Variants in LRP1B observed in about 807,000 individuals in gnomAD.
The protein encoded by LRP1B is LDL receptor related protein 1B, also known as low-density lipoprotein receptor-related protein 1B.
Under a neutral mutation model 556.6 loss-of-function variants are expected in LRP1B, and 217 were observed. The observed-to-expected ratio is 0.39, with a 90% CI of 0.35 to 0.44. LRP1B has a LOEUF of 0.44. Among genes scored for constraint, LRP1B ranks in the 20% least tolerant of loss-of-function variants. The probability of loss-of-function intolerance (pLI) is 1.00; values close to 1 mark genes in which losing one functional copy is unlikely to be tolerated. For synonymous variants in LRP1B, 2,047 were observed against 1,865.8 expected (o/e 1.10, Z -2.50); for missense variants, 5,053 against 5,620.8 (o/e 0.90, Z 3.23).
chr2:141,217,272 C>G (rs1038321537), intron 6 of LRP1B, among the ~76,000 whole-genome samples: 4 of 152,110 alleles, frequency 2.6e-5, no homozygotes, highest in African/African-American at 9.7e-5. Context: ...CCTCCACTTT[C>G]TTGCTCCTAG....
At chr2:141,812,919 C>G (rs1024687178) in intron 1 of LRP1B, among the ~76,000 whole-genome samples, 35 of 151,494 alleles carry the variant, frequency 2.3e-4, no homozygotes, top group Admixed American at 2.2e-3. Context: ...CATCATAAAA[C>G]TTATGATATA....
At chr2:141,854,489 A>G (rs1310649961) in intron 1 of LRP1B, among the ~76,000 whole-genome samples, 1 of 152,126 alleles carries the variant, frequency 6.6e-6, no homozygotes, top group Non-Finnish European at 1.5e-5. Context: ...CAATCAAGAC[A>G]TTAGATGAAA....
chr2:141,372,422 C>T (rs1689260451), intron 3 of LRP1B, among the ~76,000 whole-genome samples: 2 of 151,984 alleles, frequency 1.3e-5, no homozygotes, highest in Non-Finnish European at 2.9e-5. Context: ...AGAACTCCCT[C>T]CTTAATTTTT....
intron 2 of LRP1B, among the ~76,000 whole-genome samples, chr2:141,485,695 A>G (rs1246140823): frequency 6.6e-6 from 1 of 152,132 alleles, no homozygotes; most frequent in African/African-American, 2.4e-5. Context: ...GATTCTGTCC[A>G]TCCTGTAAAT....
At chr2:141,300,557 CGT>C (rs1686351117) in intron 3 of LRP1B, among the ~76,000 whole-genome samples, 1 of 152,172 alleles carries the variant, frequency 6.6e-6, no homozygotes, top group African/African-American at 2.4e-5. Flanking sequence ...AGGTGAGCTT[CGT>C]GGCTGATTAT....
chr2:141,533,174 A>T (rs1684950172), intron 2 of LRP1B, among the ~76,000 whole-genome samples: 1 of 152,174 alleles, frequency 6.6e-6, no homozygotes, highest in South Asian at 2.1e-4. Context: ...TAAGAATCCA[A>T]AGCTTAATAA....
intron 6 of LRP1B, among the ~76,000 whole-genome samples, chr2:141,225,576 A>C (rs1328264417): frequency 6.6e-6 from 1 of 152,196 alleles, no homozygotes; most frequent in East Asian, 1.9e-4. Flanking sequence ...TTTTTAAAAA[A>C]CAAGTTTTGC....
intron 2 of LRP1B, among the ~76,000 whole-genome samples, chr2:141,567,942 G>T (rs773070874): frequency 1.8e-4 from 27 of 149,948 alleles, no homozygotes; most frequent in Non-Finnish European, 3.9e-4. Flanking sequence ...AGCAAACGGT[G>T]ATTGTCCAAA....
intron 3 of LRP1B, among the ~76,000 whole-genome samples, chr2:141,262,729 A>C (rs1684742661): frequency 6.6e-6 from 1 of 152,162 alleles, no homozygotes; most frequent in Non-Finnish European, 1.5e-5. Context: ...CCAAGTATCC[A>C]TGGGTATATT....
chr2:141,433,030 T>C (rs553529879), intron 3 of LRP1B, among the ~76,000 whole-genome samples: 2 of 152,086 alleles, frequency 1.3e-5, no homozygotes, highest in South Asian at 4.1e-4. Flanking sequence ...TATAGGTATA[T>C]ACAACTATTC....
At chr2:140,321,758 C>T (rs1332208485) in intron 82 of LRP1B, among the ~76,000 whole-genome samples, 1 of 152,024 alleles carries the variant, frequency 6.6e-6, no homozygotes, top group African/African-American at 2.4e-5. Context: ...TGTAAATGTT[C>T]AATGCTGCTT....
At chr2:141,123,988 A>G (rs1434837625) in intron 7 of LRP1B, among the ~76,000 whole-genome samples, 9 of 152,184 alleles carry the variant, frequency 5.9e-5, no homozygotes, top group Admixed American at 5.9e-4. Flanking sequence ...AGAAATGAAT[A>G]TGTCTAATTT....
chr2:141,494,142 C>T (rs1453445755), intron 2 of LRP1B, among the ~76,000 whole-genome samples: 1 of 152,150 alleles, frequency 6.6e-6, no homozygotes, highest in Non-Finnish European at 1.5e-5. Context: ...AGCCTCAAGG[C>T]CTGGTTAGCT....
intron 3 of LRP1B, among the ~76,000 whole-genome samples, chr2:141,313,192 T>C (rs114849012): frequency 0.015 from 2,348 of 152,270 alleles, 56 homozygotes; most frequent in African/African-American, 0.053. Flanking sequence ...TTAACCAAGA[T>C]AGAAGCACTT....
chr2:141,576,580 A>T (rs576360652), intron 2 of LRP1B, among the ~76,000 whole-genome samples: 68 of 151,982 alleles, frequency 4.5e-4, no homozygotes, highest in Non-Finnish European at 8.4e-4. Flanking sequence ...TTAGAAGAAG[A>T]AGAAATTTAA....
At chr2:140,772,310 T>A (rs987463314) in intron 33 of LRP1B, among the ~76,000 whole-genome samples, 5 of 136,660 alleles carry the variant, frequency 3.7e-5, no homozygotes, top group Non-Finnish European at 8.3e-5. Flanking sequence ...TTTGTATGTA[T>A]GTATATATAT....
intron 7 of LRP1B, among the ~76,000 whole-genome samples, chr2:141,169,800 C>CAAA (rs574461113): frequency 4.1e-4 from 36 of 87,394 alleles, no homozygotes; most frequent in African/African-American, 9.5e-4. Context: ...ACACCTTAAC[C>CAAA]AAAAAAAAAA....
intron 66 of LRP1B, among the ~76,000 whole-genome samples, chr2:140,426,134 A>G (rs1396482847): frequency 6.6e-6 from 1 of 152,206 alleles, no homozygotes; most frequent in Non-Finnish European, 1.5e-5. Context: ...TCCTCTGCCA[A>G]GAACAGGAGG....
intron 7 of LRP1B, among the ~76,000 whole-genome samples, chr2:141,142,557 A>G (rs1419486228): frequency 6.6e-6 from 1 of 152,236 alleles, no homozygotes; most frequent in African/African-American, 2.4e-5. Context: ...ATGACAACAG[A>G]ACATGATTGA....
Sources: allele counts gnomAD v4.1 joint callset (sites outside exome capture counted in the v4.1 genomes callset), GRCh38; gene constraint gnomAD v4.1.1; transcripts MANE v1.5; gene names NCBI Gene and HGNC (gene_info 2026-07-23, HGNC 2026-07-21).